The following LRRC25 variants were observed in gnomAD, a reference collection of about 807,000 sequenced individuals.
The protein encoded by LRRC25 is leucine-rich repeat-containing protein 25.
Under a neutral mutation model 18.8 loss-of-function variants are expected in LRRC25, and 5 were observed. That is an observed-to-expected ratio of 0.27 (90% CI 0.14 to 0.56). The LOEUF is 0.56. Ranked by LOEUF, LRRC25 falls within the 20% of genes least tolerant of loss-of-function variation. The probability of loss-of-function intolerance (pLI) is 0.93; values close to 1 mark genes in which losing one functional copy is unlikely to be tolerated. For synonymous variants in LRRC25, 161 were observed against 176.8 expected (o/e 0.91, Z 0.71); for missense variants, 341 against 389.8 (o/e 0.87, Z 1.05).
In LRRC25 at chr19:18,391,789, C is replaced by T. The variant is rs931571442; in HGVS notation, c.*198G>A. ...CCTTGTTGGGGGTCTCTCCTCTTCC[C>T]CCTCTAGGAGCTGAGGGAGCTGAGG... On this transcript the variant is annotated 3_prime_UTR_variant, in exon 2 of 2. Transcript: ENST00000339007. 1.0e-5 allele frequency: 6 copies of T among 577,462 alleles called. No individual in the cohort carries two copies. The highest frequency in any genetic ancestry group is 1.5e-5 in the Non-Finnish European group (5 of 330,324). The allele number at this position is 577,462 out of a possible 1,614,324, so 35.8% of individuals were successfully genotyped here. A position where few individuals can be genotyped will look rare whatever the true frequency, so the allele number is the denominator to read the frequency against.
chr19:18,396,227 A>C lies in LRRC25; in HGVS notation c.737T>G (p.Phe246Cys). The C allele has an allele frequency of 1.9e-6, 3 of 1,610,236 alleles. No individual in the cohort carries two copies. The highest frequency in any genetic ancestry group is 2.5e-6 in the Non-Finnish European group (3 of 1,176,950). The change falls in exon 1 of 2, where the codon TTT (phenylalanine) becomes TGT (cysteine). Residue 246 changes from phenylalanine (F) to cysteine (C), a missense_variant. Physicochemically the swap from Phe to Cys is radical, Grantham distance 205. Coordinates refer to ENST00000339007, the MANE Select transcript of LRRC25 (RefSeq NM_145256.3). Reference protein sequence around the residue: ...CPSTPDYENMFVGQPAAEHQW... With the variant: ...CPSTPDYENMCVGQPAAEHQW... ...GTGCTCGGCTGCTGGCTGGCCCACAAACATGTTCTCATAGTCGGGAGTGGA... is the reference window on the plus strand; with the variant it reads ...GTGCTCGGCTGCTGGCTGGCCCACACACATGTTCTCATAGTCGGGAGTGGA...
rs1232717828 is a variant in LRRC25, at chr19:18,394,212, G to GA, written c.779+1972_779+1973insT. 2.0e-5 allele frequency among the ~76,000 whole-genome samples: 3 copies of GA among 152,004 alleles called. No homozygotes were observed. In the South Asian group the frequency reaches 6.2e-4, roughly 32 times the overall value. On this transcript the variant is annotated intron_variant, in intron 1 of 1. Coordinates refer to ENST00000339007, the MANE Select transcript of LRRC25 (RefSeq NM_145256.3). ...AAATTCTCTGTTCTTTCCCACCTCT[G>GA]GGTCTCTGCCCCTGAGGGTCCCACC...
At position 18,397,108 on chromosome 19, in the gene LRRC25, C is replaced by T; in HGVS notation, c.-145G>A. On this transcript the variant is annotated 5_prime_UTR_variant, in exon 1 of 2. Coordinates refer to ENST00000339007, the MANE Select transcript of LRRC25 (RefSeq NM_145256.3). ...TGGTAAAACGCAGCCCCAGTCTGGTCGCCTCCTTTGGCTGGTGGGCTGCCT... is the reference window on the plus strand; with the variant it reads ...TGGTAAAACGCAGCCCCAGTCTGGTTGCCTCCTTTGGCTGGTGGGCTGCCT... 1.1e-6 allele frequency: 1 copy of T among 882,046 alleles called. No individual in the cohort carries two copies. The highest frequency in any genetic ancestry group is 1.7e-6 in the Non-Finnish European group (1 of 593,794). The allele number at this position is 882,046 out of a possible 1,614,324, so 54.6% of individuals were successfully genotyped here.
At chr19:18,395,126 C>G (rs889061934) in intron 1 of LRRC25, among the ~76,000 whole-genome samples, 1 of 152,048 alleles carries the variant, frequency 6.6e-6, no homozygotes, top group Non-Finnish European at 1.5e-5. Context: ...AATCCCAGCA[C>G]TTAAGGAGGC....
At chr19:18,395,377 A>G (rs2144622980) in intron 1 of LRRC25, among the ~76,000 whole-genome samples, 1 of 152,028 alleles carries the variant, frequency 6.6e-6, no homozygotes, top group South Asian at 2.1e-4. Context: ...TCTCAAAAAA[A>G]AAAAAAAAAA....
chr19:18,391,857 G>T lies in LRRC25; in HGVS notation c.*130C>A. 1 of 1,138,554 alleles carries T rather than the reference G, an allele frequency of 8.8e-7. No individual in the cohort carries two copies. Among genetic ancestry groups the T allele is most frequent in the Non-Finnish European group, 1.2e-6 (1 of 810,404 alleles). The allele number at this position is 1,138,554 out of a possible 1,614,324, so 70.5% of individuals were successfully genotyped here. The stretch of plus-strand genomic sequence containing the variant: ...GGAGGGGGCGGCAGAGCTTCCTGGG[G>T]CCTCAAGGACAATCCTTTCCTGTAC... On this transcript the variant is annotated 3_prime_UTR_variant, in exon 2 of 2. Coordinates refer to ENST00000339007, the MANE Select transcript of LRRC25 (RefSeq NM_145256.3).
chr19:18,396,472 T>C lies in LRRC25; in HGVS notation c.492A>G (p.Ala164=), dbSNP rs777237670. Residue 164 remains alanine, a synonymous_variant, in exon 1 of 2, where the codon GCA becomes GCG. Coordinates refer to ENST00000339007, the MANE Select transcript of LRRC25 (RefSeq NM_145256.3). ...CGCTGACCACCACTGCCCCGATAGT[T>C]GCAGAGGCCAGGCCAGGGGCGCAGC... ...EVSCAPGLAS[A]TIGAVVVSGC... is the part of the protein sequence containing the mutation. The C allele has an allele frequency of 6.2e-7, 1 of 1,613,456 alleles. No individual in the cohort carries two copies. Among genetic ancestry groups the C allele is most frequent in the Non-Finnish European group, 8.5e-7 (1 of 1,180,026 alleles).
In LRRC25 at chr19:18,395,492, G is replaced by T. The variant is rs1971956897; in HGVS notation, c.779+693C>A. Among the ~76,000 whole-genome samples, 4 of 152,052 alleles carry T rather than the reference G, an allele frequency of 2.6e-5. No homozygotes were observed. The South Asian group carries it at 8.3e-4, about 32-fold the overall frequency. On this transcript the variant is annotated intron_variant, in intron 1 of 1. Transcript: ENST00000339007. ...CCACTCTATGGAGACAGAAATGGAG[G>T]TTCAGAGACAGCCTTGGGTCACATG...
In LRRC25 at chr19:18,396,977, G is replaced by A. The variant is rs1388431738; in HGVS notation, c.-14C>T. Reference sequence around the variant, plus strand: ...GGTGCCCCCCATTCAAGCAACCTACGTAGAGACACCGGAATCCTAGCCCTG... The same window carrying A: ...GGTGCCCCCCATTCAAGCAACCTACATAGAGACACCGGAATCCTAGCCCTG... On this transcript the variant is annotated 5_prime_UTR_variant, in exon 1 of 2. It adds an upstream start codon to the 5' untranslated region. Coordinates refer to ENST00000339007, the MANE Select transcript of LRRC25 (RefSeq NM_145256.3). 2.5e-6 allele frequency: 4 copies of A among 1,595,476 alleles called. No homozygotes were observed. In the East Asian group the frequency reaches 6.7e-5, roughly 27 times the overall value.
chr19:18,394,425 G>A (rs1971942194), intron 1 of LRRC25, among the ~76,000 whole-genome samples: 1 of 151,188 alleles, frequency 6.6e-6, no homozygotes, highest in African/African-American at 2.4e-5. Context: ...TCTTGCCTCA[G>A]CCTCCCAAGT....
chr19:18,391,582 G>A lies in LRRC25; in HGVS notation c.*405C>T, dbSNP rs946679619. On this transcript the variant is annotated 3_prime_UTR_variant, in exon 2 of 2. Transcript: ENST00000339007. ...ACAACAACAAAAAAAAACAGGGATG[G>A]GAGGTGGGGAGCAATTTGGGAGTCT... is the stretch of plus-strand genomic sequence containing the variant. The A allele has an allele frequency of 6.2e-6, 1 of 162,380 alleles. No homozygotes were observed. The highest frequency in any genetic ancestry group is 2.4e-5 in the African/African-American group (1 of 41,828). 10.1% of individuals were successfully genotyped at this position (162,380 alleles called of 1,614,324 possible).
rs555075346 is a variant in LRRC25 at position 18,396,593 on chromosome 19, T to C, written c.371A>G (p.His124Arg). The change falls in exon 1 of 2, where the codon CAC (histidine) becomes CGC (arginine). Residue 124 changes from histidine to arginine, a missense_variant. Physicochemically the swap from His to Arg is conservative, Grantham distance 29. Transcript: ENST00000339007. ...ADCNCALESW[H>R]DIRRDNCSGQ... is the part of the protein sequence containing the mutation. ...AGAGCAGTTGTCTCGGCGGATGTCG[T>C]GCCAGGACTCCAGGGCACAGTTGCA... The C allele has an allele frequency of 6.2e-7, 1 of 1,613,810 alleles. No homozygotes were observed. The highest frequency in any genetic ancestry group is 1.1e-5 in the South Asian group (1 of 91,068).
At chr19:18,395,117 A>T (rs549802032) in intron 1 of LRRC25, among the ~76,000 whole-genome samples, 14 of 152,198 alleles carry the variant, frequency 9.2e-5, no homozygotes, top group Admixed American at 7.9e-4. Context: ...CACACCTGTA[A>T]TCCCAGCACT....
Position 18,397,036 on chromosome 19 carries a change from C to T in LRRC25, c.-73G>A. 6.9e-7 allele frequency: 1 copy of T among 1,445,762 alleles called. No individual in the cohort carries two copies. The highest frequency in any genetic ancestry group is 9.3e-7 in the Non-Finnish European group (1 of 1,073,718). 89.6% of individuals were successfully genotyped at this position (1,445,762 alleles called of 1,614,324 possible). ...CCTGTGGTCGCCCTCGCCTCCACCG[C>T]CAGTGTTTATTATTATAGCTCAGAC... On this transcript the variant is annotated 5_prime_UTR_variant, in exon 1 of 2. Transcript: ENST00000339007.
chr19:18,392,946 C>T (rs1395545296), intron 1 of LRRC25, among the ~76,000 whole-genome samples: 1 of 152,130 alleles, frequency 6.6e-6, no homozygotes, highest in Non-Finnish European at 1.5e-5. Context: ...GCCGTTATCA[C>T]ACCACTGCAC....
In LRRC25 at chr19:18,397,099, C is replaced by G; in HGVS notation, c.-136G>C. 1 of 973,650 alleles carries G rather than the reference C, an allele frequency of 1.0e-6. No homozygotes were observed. The allele number at this position is 973,650 out of a possible 1,614,324, so 60.3% of individuals were successfully genotyped here. A position where few individuals can be genotyped will look rare whatever the true frequency, so the allele number is the denominator to read the frequency against. On this transcript the variant is annotated 5_prime_UTR_variant, in exon 1 of 2. Coordinates refer to ENST00000339007, the MANE Select transcript of LRRC25 (RefSeq NM_145256.3). ...CTTCTGAAATGGTAAAACGCAGCCC[C>G]AGTCTGGTCGCCTCCTTTGGCTGGT... is the stretch of plus-strand genomic sequence containing the variant.
chr19:18,391,866 A>C lies in LRRC25; in HGVS notation c.*121T>G. On this transcript the variant is annotated 3_prime_UTR_variant, in exon 2 of 2. Transcript: ENST00000339007. ...GGCAGAGCTTCCTGGGGCCTCAAGGACAATCCTTTCCTGTACCCATTCTTC... is the reference window on the plus strand; with the variant it reads ...GGCAGAGCTTCCTGGGGCCTCAAGGCCAATCCTTTCCTGTACCCATTCTTC... The C allele has an allele frequency of 7.9e-7, 1 of 1,270,166 alleles. No homozygotes were observed. The allele number at this position is 1,270,166 out of a possible 1,614,324, so 78.7% of individuals were successfully genotyped here.
chr19:18,391,858 C>T lies in LRRC25; in HGVS notation c.*129G>A. 1 of 1,149,134 alleles carries T rather than the reference C, an allele frequency of 8.7e-7. No individual in the cohort carries two copies. The highest frequency in any genetic ancestry group is 1.2e-6 in the Non-Finnish European group (1 of 819,554). The allele number at this position is 1,149,134 out of a possible 1,614,324, so 71.2% of individuals were successfully genotyped here. Reference sequence around the variant, plus strand: ...GAGGGGGCGGCAGAGCTTCCTGGGGCCTCAAGGACAATCCTTTCCTGTACC... The same window carrying T: ...GAGGGGGCGGCAGAGCTTCCTGGGGTCTCAAGGACAATCCTTTCCTGTACC... On this transcript the variant is annotated 3_prime_UTR_variant, in exon 2 of 2. Coordinates refer to ENST00000339007, the MANE Select transcript of LRRC25 (RefSeq NM_145256.3).
Position 18,396,694 on chromosome 19 carries a change from C to G in LRRC25, c.270G>C (p.Leu90=). 1 of 1,614,032 alleles carries G rather than the reference C, an allele frequency of 6.2e-7. No individual in the cohort carries two copies. Among genetic ancestry groups the G allele is most frequent in the Non-Finnish European group, 8.5e-7 (1 of 1,179,982 alleles). The change falls in exon 1 of 2, where the codon CTG becomes CTC. Residue 90 remains leucine, a synonymous_variant. Coordinates refer to ENST00000339007, the MANE Select transcript of LRRC25 (RefSeq NM_145256.3). ...FFAHLQKLEV[L]NVLRNPLSRV... is the part of the protein sequence containing the mutation. Reference sequence around the variant, plus strand: ...GAGACAAGGGGTTGCGTAGCACGTTCAGGACCTCAAGCTTCTGCAGGTGGG... The same window carrying G: ...GAGACAAGGGGTTGCGTAGCACGTTGAGGACCTCAAGCTTCTGCAGGTGGG...
Sources: gnomAD v4.1 joint callset for allele counts (sites outside exome capture counted in the v4.1 genomes callset) on GRCh38, gnomAD v4.1.1 for gene constraint, MANE v1.5 for transcripts, NCBI Gene and HGNC (gene_info 2026-07-23, HGNC 2026-07-21) for gene names.